The following ARHGAP19 variants were observed in gnomAD, a reference collection of about 807,000 sequenced individuals.
ARHGAP19 encodes the protein rho GTPase-activating protein 19.
Under a neutral mutation model 60.9 loss-of-function variants are expected in ARHGAP19, and 48 were observed. That is an observed-to-expected ratio of 0.79 (90% CI 0.62 to 1.00). The LOEUF (loss-of-function observed/expected upper bound fraction) is 1.00. Ranked by LOEUF, ARHGAP19 falls within the 50% of genes least tolerant of loss-of-function variation. The probability of loss-of-function intolerance (pLI) is 0.00; values close to 1 mark genes in which losing one functional copy is unlikely to be tolerated. For missense variants in ARHGAP19, 562 were observed against 597.2 expected, an observed-to-expected ratio of 0.94 and a Z score of 0.61; for synonymous variants, 209 against 215.5, an observed-to-expected ratio of 0.97 and a Z score of 0.27.
In ARHGAP19 at chr10:97,222,694, C is replaced by G. The variant is rs2134788905; in HGVS notation, c.*3428G>C. The G allele has an allele frequency of 6.6e-6, 1 of 152,304 alleles. No homozygotes were observed. Among genetic ancestry groups the G allele is most frequent in the South Asian group, 2.1e-4 (1 of 4,824 alleles). The allele number at this position is 152,304 out of a possible 1,614,324, so 9.4% of individuals were successfully genotyped here. ...ATCTTCCCCAAATTCTAGACAATCCCACAAAATGCTAGTATCTAGGTTTAG... is the reference window on the plus strand; with the variant it reads ...ATCTTCCCCAAATTCTAGACAATCCGACAAAATGCTAGTATCTAGGTTTAG... On this transcript the variant is annotated 3_prime_UTR_variant, in exon 12 of 12. Coordinates refer to ENST00000358531, the MANE Select transcript of ARHGAP19 (RefSeq NM_032900.6).
At chr10:97,240,544 G>A (rs1387105251) in intron 8 of ARHGAP19, among the ~76,000 whole-genome samples, 2 of 152,156 alleles carry the variant, frequency 1.3e-5, no homozygotes, top group Non-Finnish European at 2.9e-5. Context: ...TCAGTTACTC[G>A]GGAGGTTGAG....
intron 3 of ARHGAP19, 93 bp downstream of exon 3, chr10:97,264,733 T>A (rs1300040691): frequency 1.2e-6 from 1 of 842,250 alleles, no homozygotes; most frequent in Non-Finnish European, 1.9e-6. Context: ...TGTTGATGGT[T>A]AATTGGCACC....
At chr10:97,248,439 G>A (rs946840031) in intron 6 of ARHGAP19, among the ~76,000 whole-genome samples, 2 of 151,840 alleles carry the variant, frequency 1.3e-5, no homozygotes, top group African/African-American at 4.8e-5. Context: ...TCTGAAATTT[G>A]TAATATAAGA....
At chr10:97,260,079 C>T (rs1745259539) in intron 4 of ARHGAP19, among the ~76,000 whole-genome samples, 1 of 151,166 alleles carries the variant, frequency 6.6e-6, no homozygotes, top group Admixed American at 6.6e-5. Flanking sequence ...TTGTGATCCG[C>T]CTGCCTCAGC....
chr10:97,274,464 TAA>T (rs60869967), intron 1 of ARHGAP19, among the ~76,000 whole-genome samples: 24 of 142,382 alleles, frequency 1.7e-4, no homozygotes, highest in Non-Finnish European at 3.1e-4. Context: ...GACTCCATCT[TAA>T]AAAAAAAAAA....
intron 8 of ARHGAP19, among the ~76,000 whole-genome samples, chr10:97,237,263 C>CAA (rs367997995): frequency 0.077 from 9,095 of 118,656 alleles, 502 homozygotes; most frequent in African/African-American, 0.11. Context: ...GACCTTGTCT[C>CAA]AAAAAAAAAA....
chr10:97,233,487 C>T (rs1433353570), intron 9 of ARHGAP19, among the ~76,000 whole-genome samples: 1 of 152,096 alleles, frequency 6.6e-6, no homozygotes, highest in African/African-American at 2.4e-5. Context: ...AAAAGCAGGG[C>T]AAAACACCAA....
chr10:97,253,789 G>C (rs1239689147), intron 6 of ARHGAP19, among the ~76,000 whole-genome samples: 1 of 152,036 alleles, frequency 6.6e-6, no homozygotes, highest in African/African-American at 2.4e-5. Flanking sequence ...TCAATAAAAA[G>C]TTTACCAAAA....
At chr10:97,278,811 TAAA>T (rs57887786) in intron 1 of ARHGAP19, among the ~76,000 whole-genome samples, 1 of 148,758 alleles carries the variant, frequency 6.7e-6, no homozygotes, top group Non-Finnish European at 1.5e-5. Context: ...TCAAGGCAGT[TAAA>T]AAAAAAAAAA....
intron 9 of ARHGAP19, among the ~76,000 whole-genome samples, chr10:97,234,415 T>A (rs1480078615): frequency 3.2e-5 from 4 of 124,170 alleles, no homozygotes; most frequent in African/African-American, 3.1e-5. Flanking sequence ...AAATAAAAAT[T>A]AAAAAAAAAA....
chr10:97,234,828 AAC>A (rs1280393760), intron 9 of ARHGAP19, among the ~76,000 whole-genome samples: 1 of 152,232 alleles, frequency 6.6e-6, no homozygotes, highest in Non-Finnish European at 1.5e-5. Context: ...CCAGTTTTCT[AAC>A]AGTTTCCCTA....
At chr10:97,272,227 C>T (rs916100554) in intron 1 of ARHGAP19, among the ~76,000 whole-genome samples, 3 of 149,936 alleles carry the variant, frequency 2.0e-5, no homozygotes, top group African/African-American at 7.5e-5. Context: ...CTTCCACCTC[C>T]CAGGTTCAAG....
chr10:97,277,688 T>C (rs1056933380), intron 1 of ARHGAP19: 20 of 152,328 alleles, frequency 1.3e-4, no homozygotes, highest in Non-Finnish European at 2.4e-4. Flanking sequence ...GTAAAGAAGA[T>C]GAGAGCTACT....
At chr10:97,241,179 C>T (rs965958407) in intron 8 of ARHGAP19, among the ~76,000 whole-genome samples, 8 of 151,718 alleles carry the variant, frequency 5.3e-5, no homozygotes, top group Non-Finnish European at 8.8e-5. Flanking sequence ...AAACATTAGC[C>T]GGGCATGGTG....
chr10:97,234,974 C>A (rs1194580366), intron 9 of ARHGAP19, among the ~76,000 whole-genome samples: 1 of 152,144 alleles, frequency 6.6e-6, no homozygotes, highest in Non-Finnish European at 1.5e-5. Context: ...AGCCCCTTAG[C>A]CCCAGAAGAA....
At chr10:97,272,146 T>TTG (rs1195309421) in intron 1 of ARHGAP19, among the ~76,000 whole-genome samples, 3 of 144,410 alleles carry the variant, frequency 2.1e-5, no homozygotes, top group Non-Finnish European at 4.5e-5. Context: ...TTTTTTTTTT[T>TTG]TTTTTTTCAG....
Position 97,257,984 on chromosome 10 carries a change from G to A in ARHGAP19, c.840+1418C>T, listed in dbSNP as rs900968076. ...TGGAAACTATGACGTTAAGTGAACC[G>A]ACATACAGCAGGTCCTCGAATAACA... On this transcript the variant is annotated intron_variant, in intron 5 of 11. Coordinates refer to ENST00000358531, the MANE Select transcript of ARHGAP19 (RefSeq NM_032900.6). Among the ~76,000 whole-genome samples, 4 of 152,122 alleles carry A rather than the reference G, an allele frequency of 2.6e-5. No homozygotes were observed. The South Asian group carries it at 6.2e-4, about 24-fold the overall frequency.
intron 1 of ARHGAP19, among the ~76,000 whole-genome samples, chr10:97,268,431 A>T (rs1034962449): frequency 3.9e-5 from 6 of 152,238 alleles, no homozygotes; most frequent in Non-Finnish European, 8.8e-5. Context: ...GTATCCTTAC[A>T]GTAGTACCCA....
intron 6 of ARHGAP19, among the ~76,000 whole-genome samples, chr10:97,249,618 G>A (rs568976291): frequency 6.6e-6 from 1 of 152,226 alleles, no homozygotes; most frequent in East Asian, 1.9e-4. Context: ...GAAAAAGCAT[G>A]AGTGTGTAGA....
Sources: gnomAD v4.1 joint callset for allele counts (sites outside exome capture counted in the v4.1 genomes callset) on GRCh38, gnomAD v4.1.1 for gene constraint, MANE v1.5 for transcripts, NCBI Gene and HGNC (gene_info 2026-07-23, HGNC 2026-07-21) for gene names.